Variants in ZMAT4 observed in about 807,000 individuals in gnomAD.
ZMAT4 encodes zinc finger matrin-type protein 4.
ZMAT4 carries 17 observed loss-of-function variants against 28.7 expected under a neutral mutation model. The ratio of observed to expected loss-of-function variants is 0.59; its 90% CI spans 0.41 to 0.89. The LOEUF is 0.89. ZMAT4 is among the 40% of genes least tolerant of loss of function. ZMAT4 has a pLI of 0.00. For synonymous variants in ZMAT4, 117 were observed against 109.2 expected, an observed-to-expected ratio of 1.07 and a Z score of -0.44; for missense variants, 240 against 283.8, an observed-to-expected ratio of 0.85 and a Z score of 1.11.
chr8:40,635,452 G>A (rs1456273746), intron 5 of ZMAT4, among the ~76,000 whole-genome samples: 1 of 152,032 alleles, frequency 6.6e-6, no homozygotes, highest in Non-Finnish European at 1.5e-5. Context: ...TCTTTGCAAA[G>A]AGCACCCCGA....
Position 40,698,213 on chromosome 8 carries a change from T to C in ZMAT4, c.193-812A>G, listed in dbSNP as rs1025348797. On this transcript the variant is annotated intron_variant, in intron 3 of 6. Transcript: ENST00000297737. ...TTTCCTTTTTTTCAGGAAAGGTGAT[T>C]CATTAAATGCTGCACAAAATGCTTA... Among the ~76,000 whole-genome samples, 9 of 152,178 alleles carry C rather than the reference T, an allele frequency of 5.9e-5. No homozygotes were observed. In the East Asian group the frequency reaches 1.3e-3, roughly 23 times the overall value.
intron 5 of ZMAT4, among the ~76,000 whole-genome samples, chr8:40,609,484 T>C (rs117570656): frequency 0.012 from 1,789 of 152,222 alleles, 17 homozygotes; most frequent in Non-Finnish European, 0.017. Flanking sequence ...GGCAGTATGT[T>C]TTTCTGGATA....
chr8:40,675,189 G>A (rs1411460087), intron 4 of ZMAT4, among the ~76,000 whole-genome samples: 1 of 151,996 alleles, frequency 6.6e-6, no homozygotes, highest in Admixed American at 6.6e-5. Context: ...CATCCCTTAG[G>A]GGAATAATAA....
chr8:40,783,867 TG>T (rs1440683490), intron 2 of ZMAT4, among the ~76,000 whole-genome samples: 1 of 152,006 alleles, frequency 6.6e-6, no homozygotes, highest in Non-Finnish European at 1.5e-5. Flanking sequence ...AAAAATTAGC[TG>T]GGCGTGGTGG....
intron 1 of ZMAT4, among the ~76,000 whole-genome samples, chr8:40,839,165 T>C (rs1364785642): frequency 1.3e-5 from 2 of 152,156 alleles, no homozygotes; most frequent in African/African-American, 4.8e-5. Flanking sequence ...CTTTTTAAGC[T>C]TTGGAGAAAC....
At position 40,825,296 on chromosome 8, in the gene ZMAT4, A is replaced by G. The variant is rs1815991082; in HGVS notation, c.102+279T>C. On this transcript the variant is annotated intron_variant, in intron 2 of 6. Transcript: ENST00000297737. ...GTGGATGCACAGTGACAGATTTAAC[A>G]AGTAGAGAAAGCCCAAGCAGAGTCT... Among the ~76,000 whole-genome samples, 4 of 152,230 alleles carry G rather than the reference A, an allele frequency of 2.6e-5. No individual in the cohort carries two copies. The South Asian group carries it at 8.3e-4, about 32-fold the overall frequency.
intron 1 of ZMAT4, among the ~76,000 whole-genome samples, chr8:40,881,528 C>CAGAAAGAAAAGAGAA: frequency 1.9e-5 from 1 of 51,916 alleles, no homozygotes; most frequent in Non-Finnish European, 3.8e-5. Flanking sequence ...GAGAGAGAGA[C>CAGAAAGAAAAGAGAA]AGAAAGAAAG....
intron 5 of ZMAT4, among the ~76,000 whole-genome samples, chr8:40,587,616 A>G (rs1804711101): frequency 6.6e-6 from 1 of 152,170 alleles, no homozygotes; most frequent in African/African-American, 2.4e-5. Flanking sequence ...AATACAAAGA[A>G]AGAAAGCTAA....
chr8:40,557,679 C>T (rs1357838177), intron 6 of ZMAT4, among the ~76,000 whole-genome samples: 2 of 152,176 alleles, frequency 1.3e-5, no homozygotes, highest in Non-Finnish European at 2.9e-5. Context: ...CTTATAATAA[C>T]ATCCCCTCTC....
chr8:40,778,105 A>G (rs1586036325), intron 2 of ZMAT4, among the ~76,000 whole-genome samples: 1 of 152,338 alleles, frequency 6.6e-6, no homozygotes, highest in East Asian at 1.9e-4. Context: ...CGCTTTAAAC[A>G]GAGCAATAAT....
At chr8:40,805,093 A>T (rs1232244160) in intron 2 of ZMAT4, among the ~76,000 whole-genome samples, 1 of 151,918 alleles carries the variant, frequency 6.6e-6, no homozygotes, top group Non-Finnish European at 1.5e-5. Context: ...AACTCAAACA[A>T]ATTTACAAGA....
At chr8:40,807,138 CAA>C (rs34726845) in intron 2 of ZMAT4, among the ~76,000 whole-genome samples, 7 of 90,250 alleles carry the variant, frequency 7.8e-5, no homozygotes, top group Admixed American at 1.2e-4. Flanking sequence ...GGGGTGAGGA[CAA>C]AAAAAAAAAA....
At chr8:40,892,098 C>T (rs1294590174) in intron 1 of ZMAT4, among the ~76,000 whole-genome samples, 2 of 152,206 alleles carry the variant, frequency 1.3e-5, no homozygotes, top group Admixed American at 6.5e-5. Context: ...CTCCACCCTC[C>T]CTGAACGCCC....
chr8:40,575,148 AG>A (rs1191503083), intron 6 of ZMAT4, among the ~76,000 whole-genome samples: 4 of 152,270 alleles, frequency 2.6e-5, no homozygotes, highest in African/African-American at 9.6e-5. Flanking sequence ...TTTTGAGAGC[AG>A]GGAAGTCAAC....
intron 5 of ZMAT4, among the ~76,000 whole-genome samples, chr8:40,650,722 T>C (rs1305264722): frequency 7.5e-6 from 1 of 133,318 alleles, no homozygotes; most frequent in Non-Finnish European, 1.6e-5. Context: ...AAAAAGCTTA[T>C]CCACCATGAT....
intron 1 of ZMAT4, among the ~76,000 whole-genome samples, chr8:40,836,538 G>A (rs1236274916): frequency 6.6e-5 from 10 of 152,088 alleles, no homozygotes; most frequent in Admixed American, 5.2e-4. Flanking sequence ...AATAAACTGA[G>A]GTACAGTCAC....
At chr8:40,795,075 C>T (rs1814530629) in intron 2 of ZMAT4, among the ~76,000 whole-genome samples, 1 of 152,130 alleles carries the variant, frequency 6.6e-6, no homozygotes, top group Non-Finnish European at 1.5e-5. Flanking sequence ...ACCAATGTCT[C>T]ATCAGCAATG....
chr8:40,784,679 C>G (rs1398351460), intron 2 of ZMAT4, among the ~76,000 whole-genome samples: 2 of 152,144 alleles, frequency 1.3e-5, no homozygotes, highest in Non-Finnish European at 2.9e-5. Context: ...AGAGTTCCAT[C>G]AGTTTGATGG....
At chr8:40,548,621 GTC>G (rs1197946978) in intron 6 of ZMAT4, among the ~76,000 whole-genome samples, 1 of 152,172 alleles carries the variant, frequency 6.6e-6, no homozygotes, top group African/African-American at 2.4e-5. Context: ...GTCAGATAAT[GTC>G]TCACCATCGC....
Sources: allele counts gnomAD v4.1 joint callset (sites outside exome capture counted in the v4.1 genomes callset), GRCh38; gene constraint gnomAD v4.1.1; transcripts MANE v1.5; gene names NCBI Gene and HGNC (gene_info 2026-07-23, HGNC 2026-07-21).